The following AS3MT variants were observed in gnomAD, a reference collection of about 807,000 sequenced individuals.
The protein encoded by AS3MT is arsenite methyltransferase.
A neutral mutation model predicts 45.3 loss-of-function variants in AS3MT; 47 were observed. The observed-to-expected ratio is 1.04, with a 90% CI of 0.82 to 1.32. The LOEUF (loss-of-function observed/expected upper bound fraction) is 1.32. Ranked by LOEUF, AS3MT falls within the 40% of genes most tolerant of loss-of-function variation. AS3MT has a pLI of 0.00. For synonymous variants in AS3MT, 141 were observed against 152.8 expected, an observed-to-expected ratio of 0.92 and a Z score of 0.57; for missense variants, 396 against 451.1, an observed-to-expected ratio of 0.88 and a Z score of 1.11.
chr10:102,880,094 A>G (rs1188250515), intron 9 of AS3MT, among the ~76,000 whole-genome samples: 1 of 152,208 alleles, frequency 6.6e-6, no homozygotes, highest in African/African-American at 2.4e-5. Context: ...ATAGAGAAGT[A>G]GGATGGAAAA....
intron 9 of AS3MT, among the ~76,000 whole-genome samples, chr10:102,888,881 ATTTTTTT>A (rs869038434): frequency 1.9e-5 from 1 of 52,522 alleles, no homozygotes; most frequent in African/African-American, 7.0e-5. Flanking sequence ...ATATATATAT[ATTTTTTT>A]TTTTTTTTTT....
chr10:102,885,344 T>A (rs1309002132), intron 9 of AS3MT, among the ~76,000 whole-genome samples: 1 of 151,840 alleles, frequency 6.6e-6, no homozygotes, highest in Non-Finnish European at 1.5e-5. Flanking sequence ...ATTTTATTTT[T>A]TTGAGACAGA....
At chr10:102,891,740 G>C (rs1277082690) in intron 10 of AS3MT, among the ~76,000 whole-genome samples, 1 of 151,978 alleles carries the variant, frequency 6.6e-6, no homozygotes, top group African/African-American at 2.4e-5. Flanking sequence ...TTGAGGCCAG[G>C]AGTTTGACAC....
At chr10:102,900,471 T>C (rs1590234230) in intron 10 of AS3MT, 122 bp from the exon 11 acceptor site, 2 of 659,510 alleles carry the variant, frequency 3.0e-6, no homozygotes, top group Non-Finnish European at 5.3e-6. Context: ...CAGGATCTCA[T>C]GGAATTGTAA....
chr10:102,873,772 T>C (rs970847280), intron 5 of AS3MT, among the ~76,000 whole-genome samples: 2 of 152,148 alleles, frequency 1.3e-5, no homozygotes, highest in African/African-American at 4.8e-5. Context: ...CACAAACCAA[T>C]GAACCCAAAA....
rs1845041104 is a variant in AS3MT, at chr10:102,889,958, G to A, written c.886-586G>A. Among the ~76,000 whole-genome samples, 6 of 150,922 alleles carry A rather than the reference G, an allele frequency of 4.0e-5. No homozygotes were observed. In the South Asian group the frequency reaches 1.1e-3, roughly 26 times the overall value. On this transcript the variant is annotated intron_variant, in intron 9 of 10. Transcript: ENST00000369880. ...CCCAAAGTGCTGGGATTACATAGGT[G>A]TGAGCCACCGTACACAGCCAGTTTC...
At position 102,900,748 on chromosome 10, in the gene AS3MT, A is replaced by T. The variant is rs777354391; in HGVS notation, c.*48A>T. 1 of 1,437,966 alleles carries T rather than the reference A, an allele frequency of 7.0e-7. No individual in the cohort carries two copies. Among genetic ancestry groups the T allele is most frequent in the South Asian group, 1.1e-5 (1 of 87,594 alleles). The allele number at this position is 1,437,966 out of a possible 1,614,324, so 89.1% of individuals were successfully genotyped here. A position where few individuals can be genotyped will look rare whatever the true frequency, so the allele number is the denominator to read the frequency against. ...ACAGTAGTGGGCAAGAGTGATCTGC[A>T]TGTTTTTTAACCTGCTTTTCCCCAT... is the stretch of plus-strand genomic sequence containing the variant. On this transcript the variant is annotated 3_prime_UTR_variant, in exon 11 of 11. Transcript: ENST00000369880.
intron 10 of AS3MT, among the ~76,000 whole-genome samples, chr10:102,890,993 G>A (rs1226218363): frequency 2.6e-5 from 4 of 152,130 alleles, no homozygotes; most frequent in African/African-American, 4.8e-5. Flanking sequence ...GATTACAGGC[G>A]TGAGCCACTG....
intron 10 of AS3MT, among the ~76,000 whole-genome samples, chr10:102,895,950 AT>A (rs1845162203): frequency 6.6e-6 from 1 of 151,966 alleles, no homozygotes; most frequent in African/African-American, 2.4e-5. Flanking sequence ...TAATTTTTGT[AT>A]TTTTAGTAGA....
intron 10 of AS3MT, among the ~76,000 whole-genome samples, chr10:102,892,913 G>C (rs1845095821): frequency 6.6e-6 from 1 of 151,902 alleles, no homozygotes; most frequent in Non-Finnish European, 1.5e-5. Context: ...CCGGGAGGCG[G>C]AGGTTGCAAT....
At chr10:102,877,087 G>T in intron 7 of AS3MT, 52 bp downstream of exon 7, 1 of 1,540,122 alleles carries the variant, frequency 6.5e-7, no homozygotes, top group South Asian at 1.1e-5. Context: ...TACATGTGCA[G>T]AACTCCTTTC....
In AS3MT at chr10:102,876,995, T is replaced by C. The variant is rs1220607812; in HGVS notation, c.570T>C (p.Leu190=). The change falls in exon 7 of 11, where the codon CTT becomes CTC. Residue 190 remains leucine (L), a synonymous_variant. Transcript: ENST00000369880. ...ELYFSDVYTS[L]ELPEEIRTHK... The stretch of plus-strand genomic sequence containing the variant: ...ATTTCAGTGACGTCTATACGAGCCT[T>C]GAACTGCCAGAAGAAATCAGGACAC... 6.2e-7 allele frequency: 1 copy of C among 1,614,210 alleles called. No homozygotes were observed. The highest frequency in any genetic ancestry group is 8.5e-7 in the Non-Finnish European group (1 of 1,180,008).
intron 10 of AS3MT, among the ~76,000 whole-genome samples, chr10:102,891,765 T>C (rs1226042315): frequency 1.3e-5 from 2 of 151,790 alleles, no homozygotes; most frequent in Non-Finnish European, 2.9e-5. Context: ...CTGGGTAACA[T>C]GTTGAAACCC....
At chr10:102,870,741 C>T (rs1157113609) in intron 3 of AS3MT, among the ~76,000 whole-genome samples, 1 of 152,160 alleles carries the variant, frequency 6.6e-6, no homozygotes, top group Non-Finnish European at 1.5e-5. Context: ...CCTGCCCAGC[C>T]GGCAGTCACC....
chr10:102,879,732 G>T (rs1178298703), intron 9 of AS3MT, among the ~76,000 whole-genome samples: 2 of 139,626 alleles, frequency 1.4e-5, no homozygotes, highest in African/African-American at 5.4e-5. Context: ...TCATGCCATT[G>T]CACTCCAGCC....
chr10:102,873,131 TG>T lies in AS3MT; in HGVS notation c.358del (p.Glu120LysfsTer10), dbSNP rs755642293. On this transcript the variant is annotated frameshift_variant, in exon 5 of 11. Transcript: ENST00000369880. LOFTEE classifies it high-confidence loss of function. ...GCTGAAAAGTATCTTGACTATCACA[TG>T]GAAAAATATGGCTTCCAGGCATCTA... Reference protein sequence around the residue: ...EVAEKYLDYHMEKYGFQASNV... With the variant: ...EVAEKYLDYHXEKYGFQASNV... The T allele has an allele frequency of 3.7e-6, 6 of 1,605,368 alleles. 1 individual carries two copies. The South Asian group carries it at 5.7e-5, about 15-fold the overall frequency.
At chr10:102,894,286 G>T (rs1028588308) in intron 10 of AS3MT, among the ~76,000 whole-genome samples, 1 of 151,930 alleles carries the variant, frequency 6.6e-6, no homozygotes, top group African/African-American at 2.4e-5. Context: ...AGCCAGGCGT[G>T]GGGGCAGGCA....
chr10:102,893,922 C>T (rs1279123255), intron 10 of AS3MT, among the ~76,000 whole-genome samples: 1 of 152,034 alleles, frequency 6.6e-6, no homozygotes, highest in Non-Finnish European at 1.5e-5. Context: ...GGGTGAACCA[C>T]CATGCCTGGT....
rs371055612 is a variant in AS3MT, at chr10:102,878,569, G to A, written c.742+59G>A. Reference sequence around the variant, plus strand: ...CTACAGCTTGAATGATTGAAATGTGGTGATTAGTAAGTAACTTCTGAAGGA... The same window carrying A: ...CTACAGCTTGAATGATTGAAATGTGATGATTAGTAAGTAACTTCTGAAGGA... On this transcript the variant is annotated intron_variant, in intron 8 of 10. Transcript: ENST00000369880. 13 of 1,585,298 alleles carry A rather than the reference G, an allele frequency of 8.2e-6. No homozygotes were observed. In the East Asian group the frequency reaches 9.0e-5, roughly 11 times the overall value.
Sources: allele counts gnomAD v4.1 joint callset (sites outside exome capture counted in the v4.1 genomes callset), GRCh38; gene constraint gnomAD v4.1.1; transcripts MANE v1.5; gene names NCBI Gene and HGNC (gene_info 2026-07-23, HGNC 2026-07-21).